Variants in NAPB observed in about 807,000 individuals in gnomAD.
NAPB encodes the protein NSF attachment protein beta, also known as beta-soluble NSF attachment protein.
Under a neutral mutation model 44.7 loss-of-function variants are expected in NAPB, and 26 were observed. That is an observed-to-expected ratio of 0.58 (90% CI 0.43 to 0.81). The LOEUF (loss-of-function observed/expected upper bound fraction) is 0.81, where lower values mean the gene tolerates loss of function less well. NAPB is among the 30% of genes least tolerant of loss of function. NAPB has a pLI of 0.00. For missense variants in NAPB, 315 were observed against 356.4 expected (o/e 0.88, Z 0.94); for synonymous variants, 120 against 116.8 (o/e 1.03, Z -0.18).
intron 7 of NAPB, among the ~76,000 whole-genome samples, chr20:23,385,085 C>T (rs1424061694): frequency 1.3e-5 from 2 of 151,860 alleles, no homozygotes; most frequent in Admixed American, 6.6e-5. Context: ...CTCCACTGCG[C>T]TCCAGTGTAG....
Position 23,403,091 on chromosome 20 carries a change from T to TC in NAPB, c.99-20_99-19insG. 2 of 1,590,100 alleles carry TC rather than the reference T, an allele frequency of 1.3e-6. No individual in the cohort carries two copies. Among genetic ancestry groups the TC allele is most frequent in the Non-Finnish European group, 1.7e-6 (2 of 1,160,918 alleles). ...GTTTCCTCTGAGAAAAAGTTAAAAATTAGATTTTTAACAACCATCCACATC... is the reference window on the plus strand; with the variant it reads ...GTTTCCTCTGAGAAAAAGTTAAAAATCTAGATTTTTAACAACCATCCACATC... On this transcript the variant is annotated intron_variant, in intron 1 of 10. Coordinates refer to ENST00000377026, the MANE Select transcript of NAPB (RefSeq NM_022080.3).
At chr20:23,419,824 C>A (rs1986259134) in intron 1 of NAPB, among the ~76,000 whole-genome samples, 1 of 152,242 alleles carries the variant, frequency 6.6e-6, no homozygotes, top group Admixed American at 6.5e-5. Flanking sequence ...TATCTTCTTG[C>A]ATTTTTGCAG....
intron 1 of NAPB, among the ~76,000 whole-genome samples, chr20:23,412,465 T>C (rs1243753878): frequency 6.6e-6 from 1 of 152,062 alleles, no homozygotes; most frequent in Non-Finnish European, 1.5e-5. Context: ...CACTTCATAA[T>C]GCTAAAAATA....
chr20:23,389,523 GATAA>G (rs1307485648), intron 7 of NAPB, among the ~76,000 whole-genome samples: 1 of 152,128 alleles, frequency 6.6e-6, no homozygotes, highest in Non-Finnish European at 1.5e-5. Context: ...TCCATAAATT[GATAA>G]ATAAACCATG....
Position 23,394,914 on chromosome 20 carries a change from C to A in NAPB, c.420+8G>T. ...CTTCACATCTGAGGAAGTGTGCCCACTGCTTACCTTCTCAATGTCTACAAG... is the reference window on the plus strand; with the variant it reads ...CTTCACATCTGAGGAAGTGTGCCCAATGCTTACCTTCTCAATGTCTACAAG... On this transcript the variant is annotated splice_region_variant and intron_variant, in intron 5 of 10. Transcript: ENST00000377026. 2 of 1,613,546 alleles carry A rather than the reference C, an allele frequency of 1.2e-6. No homozygotes were observed. Among genetic ancestry groups the A allele is most frequent in the Non-Finnish European group, 1.7e-6 (2 of 1,179,444 alleles).
chr20:23,403,177 G>T, intron 1 of NAPB, 105 bp from the exon 2 acceptor site: 1 of 791,956 alleles, frequency 1.3e-6, no homozygotes. Flanking sequence ...TGCCAGACAA[G>T]CATTACAGAA....
At chr20:23,393,330 A>T (rs1984110615) in intron 5 of NAPB, among the ~76,000 whole-genome samples, 1 of 152,154 alleles carries the variant, frequency 6.6e-6, no homozygotes, top group South Asian at 2.1e-4. Flanking sequence ...TCAAATAATA[A>T]ATTTTATGTA....
At chr20:23,395,815 A>G (rs535090579) in intron 3 of NAPB, among the ~76,000 whole-genome samples, 1 of 152,334 alleles carries the variant, frequency 6.6e-6, no homozygotes, top group African/African-American at 2.4e-5. Context: ...GAGCCAAAAA[A>G]TTTTCCCTAT....
chr20:23,399,057 C>A (rs1984622386), intron 2 of NAPB, among the ~76,000 whole-genome samples: 2 of 151,944 alleles, frequency 1.3e-5, no homozygotes, highest in Admixed American at 1.3e-4. Flanking sequence ...AGAGGAAATG[C>A]ACAGTTCTCA....
At chr20:23,382,324 A>C (rs915509383) in intron 7 of NAPB, among the ~76,000 whole-genome samples, 2 of 100,528 alleles carry the variant, frequency 2.0e-5, no homozygotes, top group African/African-American at 1.2e-4. Flanking sequence ...ATGTCAAAGA[A>C]GGCCAACTGA....
At chr20:23,412,856 T>C (rs1345929173) in intron 1 of NAPB, among the ~76,000 whole-genome samples, 1 of 152,012 alleles carries the variant, frequency 6.6e-6, no homozygotes, top group African/African-American at 2.4e-5. Context: ...ATTAGCCAGG[T>C]GTGGTGGCGT....
At chr20:23,385,575 C>T (rs1983434412) in intron 7 of NAPB, among the ~76,000 whole-genome samples, 1 of 151,812 alleles carries the variant, frequency 6.6e-6, no homozygotes, top group Non-Finnish European at 1.5e-5. Flanking sequence ...GCCTAGCCAA[C>T]ATGGCACACA....
Position 23,421,432 on chromosome 20 carries a change from C to CA in NAPB, c.-31dup, listed in dbSNP as rs762075454. The CA allele has an allele frequency of 4.3e-5, 66 of 1,536,510 alleles. No homozygotes were observed. Among genetic ancestry groups the CA allele is most frequent in the South Asian group, 3.7e-4 (31 of 83,298 alleles). On this transcript the variant is annotated 5_prime_UTR_variant, in exon 1 of 11. Transcript: ENST00000377026. Reference sequence around the variant, plus strand: ...CCCGCCGCGGCCGCCACAGCCCCCTCAGCCGGCTCGCTGTGCGCCCAGGCG... The same window carrying CA: ...CCCGCCGCGGCCGCCACAGCCCCCTCAAGCCGGCTCGCTGTGCGCCCAGGCG...
intron 1 of NAPB, among the ~76,000 whole-genome samples, chr20:23,405,137 C>T (rs1417153066): frequency 6.6e-6 from 1 of 151,768 alleles, no homozygotes; most frequent in Non-Finnish European, 1.5e-5. Flanking sequence ...ACCCCATCTC[C>T]ACTAAAAATA....
chr20:23,420,194 C>A (rs143636309), intron 1 of NAPB, among the ~76,000 whole-genome samples: 372 of 152,188 alleles, frequency 2.4e-3, no homozygotes, highest in African/African-American at 8.6e-3. Flanking sequence ...GCTGTCAGTG[C>A]GGGCTCTGCT....
chr20:23,405,418 T>G (rs573711866), intron 1 of NAPB, among the ~76,000 whole-genome samples: 1 of 151,866 alleles, frequency 6.6e-6, no homozygotes, highest in African/African-American at 2.4e-5. Flanking sequence ...CACAGCAGCA[T>G]TAATCATAAT....
intron 2 of NAPB, among the ~76,000 whole-genome samples, chr20:23,400,782 C>T (rs531976351): frequency 6.6e-6 from 1 of 152,236 alleles, no homozygotes; most frequent in Non-Finnish European, 1.5e-5. Flanking sequence ...TATTCATCCA[C>T]TCAACAAATA....
intron 7 of NAPB, among the ~76,000 whole-genome samples, chr20:23,382,804 G>C (rs1217444807): frequency 6.6e-6 from 1 of 152,154 alleles, no homozygotes; most frequent in Non-Finnish European, 1.5e-5. Flanking sequence ...AAGGACCCAT[G>C]GGATAATAAA....
At chr20:23,394,498 TA>T (rs1984206919) in intron 5 of NAPB, among the ~76,000 whole-genome samples, 1 of 152,166 alleles carries the variant, frequency 6.6e-6, no homozygotes. Context: ...TACAGTAATC[TA>T]GCATTTGGAG....
Sources: allele counts gnomAD v4.1 joint callset (sites outside exome capture counted in the v4.1 genomes callset), GRCh38; gene constraint gnomAD v4.1.1; transcripts MANE v1.5; gene names NCBI Gene and HGNC (gene_info 2026-07-23, HGNC 2026-07-21).